MEOX2: variants seen among roughly 807,000 people sequenced by gnomAD.
MEOX2 encodes mesenchyme homeobox 2, also known as homeobox protein MOX-2.
A neutral mutation model predicts 27.0 loss-of-function variants in MEOX2; 11 were observed. The observed-to-expected ratio is 0.41, with a 90% CI of 0.26 to 0.68. The LOEUF is 0.68. MEOX2 is among the 30% of genes least tolerant of loss of function. MEOX2 has a pLI of 0.33. For synonymous variants in MEOX2, 189 were observed against 155.4 expected (o/e 1.22, Z -1.61); for missense variants, 436 against 385.4 (o/e 1.13, Z -1.10).
intron 2 of MEOX2, among the ~76,000 whole-genome samples, chr7:15,618,681 T>A (rs12216674): frequency 6.6e-6 from 1 of 151,522 alleles, no homozygotes; most frequent in Admixed American, 6.6e-5. Context: ...TATTCTGATT[T>A]TTATTAATAT....
intron 1 of MEOX2, among the ~76,000 whole-genome samples, chr7:15,667,746 T>C (rs1240114123): frequency 6.6e-6 from 1 of 152,162 alleles, no homozygotes; most frequent in Non-Finnish European, 1.5e-5. Flanking sequence ...GGTTAATAAG[T>C]GATTTTAAAT....
intron 1 of MEOX2, among the ~76,000 whole-genome samples, chr7:15,672,900 A>G (rs571014839): frequency 7.1e-6 from 1 of 141,818 alleles, no homozygotes; most frequent in East Asian, 2.1e-4. Context: ...TTGAAAAAAA[A>G]AAAAAGAAAA....
chr7:15,635,652 T>C (rs1008648658), intron 1 of MEOX2, among the ~76,000 whole-genome samples: 2 of 152,024 alleles, frequency 1.3e-5, no homozygotes, highest in Admixed American at 1.3e-4. Flanking sequence ...GATAAAATCA[T>C]GTGTTATAAT....
intron 1 of MEOX2, among the ~76,000 whole-genome samples, chr7:15,651,323 G>A (rs1781729838): frequency 6.6e-6 from 1 of 151,940 alleles, no homozygotes. Flanking sequence ...TTGTCGCATT[G>A]TAGGTATTGA....
intron 1 of MEOX2, among the ~76,000 whole-genome samples, chr7:15,639,791 C>T (rs1442734044): frequency 2.6e-5 from 4 of 152,046 alleles, no homozygotes; most frequent in Non-Finnish European, 4.4e-5. Flanking sequence ...GGCTTTATTT[C>T]TAGGCTCTCT....
intron 2 of MEOX2, among the ~76,000 whole-genome samples, chr7:15,621,862 T>G (rs1781227322): frequency 6.6e-6 from 1 of 152,214 alleles, no homozygotes; most frequent in South Asian, 2.1e-4. Context: ...CTCAAGCCCG[T>G]AATCTCAGCA....
intron 1 of MEOX2, among the ~76,000 whole-genome samples, chr7:15,646,820 C>T (rs1781657955): frequency 6.6e-6 from 1 of 151,904 alleles, no homozygotes. Context: ...CTCTTCTTCT[C>T]TAAGGTGACA....
At chr7:15,650,025 A>G (rs1781711768) in intron 1 of MEOX2, among the ~76,000 whole-genome samples, 1 of 152,090 alleles carries the variant, frequency 6.6e-6, no homozygotes, top group African/African-American at 2.4e-5. Flanking sequence ...GCCCAAGCCT[A>G]TAGATCAAAT....
rs2237493 is a variant in MEOX2 at position 15,612,443 on chromosome 7, T to C, written c.859A>G (p.Ile287Val). Residue 287 changes from isoleucine (I) to valine (V), a missense_variant, in exon 3 of 3, where the codon ATA becomes GTA. Transcript: ENST00000262041. ...CTGTCGTGACTGTCTTCATTTGCTA[T>C]AGAGTCCCCTGTTTGCTGGAGGGTG... ...AATLQQTGDS[I>V]ANEDSHDSDH... 1.7e-5 allele frequency: 27 copies of C among 1,614,018 alleles called. No individual in the cohort carries two copies. The highest frequency in any genetic ancestry group is 1.9e-5 in the Non-Finnish European group (23 of 1,180,042).
intron 1 of MEOX2, among the ~76,000 whole-genome samples, chr7:15,638,384 A>G (rs868126143): frequency 6.6e-6 from 1 of 152,286 alleles, no homozygotes; most frequent in Middle Eastern, 3.4e-3. Flanking sequence ...ATGGGCATAT[A>G]TATTTACAGT....
At chr7:15,612,731 A>T (rs1781052438) in intron 2 of MEOX2, 120 bp from the exon 3 acceptor site, 1 of 704,188 alleles carries the variant, frequency 1.4e-6, no homozygotes, top group South Asian at 1.8e-5. Flanking sequence ...AGACACCATG[A>T]AGGAGTGAAT....
At chr7:15,650,927 A>T (rs1333977527) in intron 1 of MEOX2, among the ~76,000 whole-genome samples, 1 of 151,944 alleles carries the variant, frequency 6.6e-6, no homozygotes, top group Admixed American at 6.6e-5. Context: ...AACAGAGAGG[A>T]GTTTGTCTAA....
intron 2 of MEOX2, among the ~76,000 whole-genome samples, chr7:15,625,890 G>A (rs552814732): frequency 4.2e-4 from 64 of 152,192 alleles, no homozygotes; most frequent in Non-Finnish European, 8.8e-5. Context: ...TATTATTTAG[G>A]TCTCATTAAT....
At chr7:15,627,749 G>A (rs1431529608) in intron 1 of MEOX2, among the ~76,000 whole-genome samples, 1 of 150,586 alleles carries the variant, frequency 6.6e-6, no homozygotes, top group Non-Finnish European at 1.5e-5. Flanking sequence ...AAATACCCCT[G>A]AAATGTAGGT....
chr7:15,685,850 G>T, intron 1 of MEOX2, 36 bp downstream of exon 1: 1 of 1,546,306 alleles, frequency 6.5e-7, no homozygotes, highest in South Asian at 1.3e-5. Context: ...TTTCCAGCCC[G>T]GCGCGCACTC....
chr7:15,622,447 T>G (rs1781235488), intron 2 of MEOX2, among the ~76,000 whole-genome samples: 1 of 152,144 alleles, frequency 6.6e-6, no homozygotes. Context: ...AGGAAACTAT[T>G]TTATATTCAA....
rs143212980 is a variant in MEOX2, at chr7:15,653,190, T to C, written c.518-26272A>G. On this transcript the variant is annotated intron_variant, in intron 1 of 2. Coordinates refer to ENST00000262041, the MANE Select transcript of MEOX2 (RefSeq NM_005924.5). ...TTTAGCTCGTATGATGGCTGTGTAG[T>C]GTCATAACAGTGTGGTTTTAATTTG... Among the ~76,000 whole-genome samples, 1,023 of 136,970 alleles carry C rather than the reference T, an allele frequency of 7.5e-3. 11 individuals carry two copies. The highest frequency in any genetic ancestry group is 0.024 in the African/African-American group (976 of 40,112). 89.9% of individuals were successfully genotyped at this position (136,970 alleles called of 152,430 possible).
rs1285830916 is a variant in MEOX2 at position 15,667,325 on chromosome 7, AGGTGAGAGGAGTTGAGGCAGCTGCCACCC to A, written c.517+18532_517+18560del. ...AAAAAAAAAAAAAGTAGGAAATAAGAGGTGAGAGGAGTTGAGGCAGCTGCCACCCTTTTCCTGGAAACTCCCTGGATTTC... is the reference window on the plus strand; with the variant it reads ...AAAAAAAAAAAAAGTAGGAAATAAGATTTTCCTGGAAACTCCCTGGATTTC... On this transcript the variant is annotated intron_variant, in intron 1 of 2. Transcript: ENST00000262041. Among the ~76,000 whole-genome samples, 3 of 147,212 alleles carry A rather than the reference AGGTGAGAGGAGTTGAGGCAGCTGCCACCC, an allele frequency of 2.0e-5. No homozygotes were observed. In the East Asian group the frequency reaches 5.9e-4, roughly 29 times the overall value.
chr7:15,625,805 A>C (rs1309434816), intron 2 of MEOX2, among the ~76,000 whole-genome samples: 7 of 152,200 alleles, frequency 4.6e-5, no homozygotes, highest in Admixed American at 4.6e-4. Flanking sequence ...ATTCACTGGG[A>C]ACACTGTTAG....
Sources: gnomAD v4.1 joint callset for allele counts (sites outside exome capture counted in the v4.1 genomes callset) on GRCh38, gnomAD v4.1.1 for gene constraint, MANE v1.5 for transcripts, NCBI Gene and HGNC (gene_info 2026-07-23, HGNC 2026-07-21) for gene names.